The following COL4A4 variants were observed in gnomAD, a reference collection of about 807,000 sequenced individuals.
COL4A4 encodes collagen type IV alpha 4 chain, also known as collagen alpha-4(IV) chain.
In COL4A4, 105 loss-of-function variants were observed where a neutral mutation model predicts 192.9. The observed-to-expected ratio is 0.54, with a 90% confidence interval of 0.46 to 0.64. The LOEUF (loss-of-function observed/expected upper bound fraction) is 0.64. Ranked by LOEUF, COL4A4 falls within the 30% of genes least tolerant of loss-of-function variation. The pLI is 0.00. For missense variants in COL4A4, 1,967 were observed against 2,169.3 expected, an observed-to-expected ratio of 0.91 and a Z score of 1.85; for synonymous variants, 762 against 769.9, an observed-to-expected ratio of 0.99 and a Z score of 0.17.
intron 21 of COL4A4, among the ~76,000 whole-genome samples, chr2:227,089,612 T>TATATATAC (rs1383778504): frequency 7.0e-6 from 1 of 141,874 alleles, no homozygotes; most frequent in East Asian, 2.1e-4. Flanking sequence ...TATATATACA[T>TATATATAC]ACATATATAT....
chr2:227,117,356 G>A (rs2061543055), intron 7 of COL4A4, among the ~76,000 whole-genome samples: 1 of 152,304 alleles, frequency 6.6e-6, no homozygotes, highest in East Asian at 1.9e-4. Flanking sequence ...CTTAATAAAT[G>A]TGCATTCACC....
At chr2:227,160,212 A>T (rs1413383081) in intron 1 of COL4A4, among the ~76,000 whole-genome samples, 1 of 152,264 alleles carries the variant, frequency 6.6e-6, no homozygotes, top group Non-Finnish European at 1.5e-5. Flanking sequence ...AGAAATGTGA[A>T]ATCAGTTGTG....
the COL4A4 span, chr2:226,997,417 C>T: frequency 9.2e-5 from 14 of 152,192 alleles, no homozygotes; most frequent in Non-Finnish European, 1.3e-4. Context: ...CTGTGCACAG[C>T]TACACAAAGG....
chr2:227,156,616 A>G (rs1046766801), intron 1 of COL4A4, among the ~76,000 whole-genome samples: 7 of 152,200 alleles, frequency 4.6e-5, no homozygotes, highest in Non-Finnish European at 1.0e-4. Flanking sequence ...GGACAATTCT[A>G]GGTAGAATCA....
intron 43 of COL4A4, chr2:227,022,438 G>A: frequency 1.5e-6 from 1 of 680,070 alleles, no homozygotes; most frequent in East Asian, 3.2e-5. Flanking sequence ...ATCAGAGGAT[G>A]CAGAAGTATG....
intron 1 of COL4A4, among the ~76,000 whole-genome samples, chr2:227,159,979 T>C (rs1349494448): frequency 6.6e-6 from 1 of 152,116 alleles, no homozygotes; most frequent in African/African-American, 2.4e-5. Flanking sequence ...TGGACAAAGG[T>C]GTTCACAGGG....
At chr2:227,068,613 A>C (rs1224118626) in intron 25 of COL4A4, among the ~76,000 whole-genome samples, 1 of 152,178 alleles carries the variant, frequency 6.6e-6, no homozygotes, top group Non-Finnish European at 1.5e-5. Flanking sequence ...CCAAAGACAA[A>C]AACCACATGA....
intron 18 of COL4A4, among the ~76,000 whole-genome samples, chr2:227,099,075 T>G (rs1210483896): frequency 6.6e-6 from 1 of 152,158 alleles, no homozygotes; most frequent in Non-Finnish European, 1.5e-5. Flanking sequence ...TCTGTTTTTG[T>G]TTTTGTTTTT....
chr2:227,119,402 CAT>C (rs1430921067), intron 6 of COL4A4, among the ~76,000 whole-genome samples: 1 of 149,766 alleles, frequency 6.7e-6, no homozygotes, highest in East Asian at 1.9e-4. Context: ...ATATTTTATA[CAT>C]GTTATACAAT....
At chr2:227,057,692 G>T in intron 28 of COL4A4, 92 bp from the exon 29 acceptor site, 1 of 1,313,414 alleles carries the variant, frequency 7.6e-7, no homozygotes, top group South Asian at 1.2e-5. Context: ...TACTGGAGGT[G>T]AACATTTTCA....
chr2:227,070,721 G>A (rs1173498040), intron 25 of COL4A4, among the ~76,000 whole-genome samples: 2 of 132,442 alleles, frequency 1.5e-5, no homozygotes, highest in Non-Finnish European at 3.2e-5. Context: ...GACTGTTGTG[G>A]GGTGGGGGGA....
the COL4A4 span, among the ~76,000 whole-genome samples, chr2:226,975,339 C>T: frequency 3.1e-3 from 476 of 152,198 alleles, 2 homozygotes; most frequent in African/African-American, 0.011. Flanking sequence ...CGTTGTACAC[C>T]TTAAACTTAT....
intron 35 of COL4A4, 78 bp from the exon 36 acceptor site, chr2:227,043,262 T>C: frequency 1.8e-6 from 2 of 1,137,290 alleles, no homozygotes; most frequent in Non-Finnish European, 2.7e-6. Flanking sequence ...CAGCCCACCC[T>C]ATTCTTTTCT....
intron 4 of COL4A4, among the ~76,000 whole-genome samples, chr2:227,134,696 G>A (rs746591416): frequency 1.4e-4 from 22 of 152,168 alleles, no homozygotes; most frequent in African/African-American, 5.1e-4. Flanking sequence ...GAATGAGATC[G>A]CAGGGAAAAT....
chr2:227,105,320 A>C (rs2060780097), intron 12 of COL4A4, among the ~76,000 whole-genome samples: 1 of 150,838 alleles, frequency 6.6e-6, no homozygotes. Context: ...CCTCCTGAGT[A>C]CCTGGGATTA....
chr2:227,098,416 C>A (rs971318574), intron 19 of COL4A4, among the ~76,000 whole-genome samples: 2 of 152,136 alleles, frequency 1.3e-5, no homozygotes, highest in East Asian at 1.9e-4. Flanking sequence ...AGCTGAGAAA[C>A]CTGTATTCCT....
chr2:227,093,610 C>G (rs111974519), intron 20 of COL4A4, among the ~76,000 whole-genome samples: 2,473 of 152,080 alleles, frequency 0.016, 33 homozygotes, highest in Non-Finnish European at 0.025. Context: ...TCATCCCCAG[C>G]CCCCTGCCTG....
At chr2:227,068,664 A>AGAG (rs2058507706) in intron 25 of COL4A4, among the ~76,000 whole-genome samples, 1 of 151,764 alleles carries the variant, frequency 6.6e-6, no homozygotes, top group Non-Finnish European at 1.5e-5. Context: ...ACAAAATTCA[A>AGAG]CAACTTTCAT....
chr2:227,079,728 C>T (rs2059219028), intron 24 of COL4A4, among the ~76,000 whole-genome samples: 1 of 152,228 alleles, frequency 6.6e-6, no homozygotes, highest in Non-Finnish European at 1.5e-5. Context: ...GATGCTAAGC[C>T]TCCATTTTCT....
Sources: gnomAD v4.1 joint callset for allele counts (sites outside exome capture counted in the v4.1 genomes callset) on GRCh38, gnomAD v4.1.1 for gene constraint, MANE v1.5 for transcripts, NCBI Gene and HGNC (gene_info 2026-07-23, HGNC 2026-07-21) for gene names.